HEMK2: variants seen among roughly 807,000 people sequenced by gnomAD.
HEMK2 encodes the protein HemK methyltransferase 2, ETF1 glutamine and histone H4 lysine, also known as methyltransferase HEMK2.
the HEMK2 span, among the ~76,000 whole-genome samples, chr21:28,812,462 C>T: frequency 1.3e-3 from 198 of 152,248 alleles, 1 homozygote; most frequent in African/African-American, 4.5e-3. Context: ...GTATGTTGAA[C>T]CAGCCTTGCA....
chr21:28,795,779 T>C, the HEMK2 span, among the ~76,000 whole-genome samples: 1 of 152,296 alleles, frequency 6.6e-6, no homozygotes, highest in East Asian at 1.9e-4. Flanking sequence ...TTTGAAAACT[T>C]AGAGGCTGAT....
At chr21:28,686,306 C>T in the HEMK2 span, among the ~76,000 whole-genome samples, 1 of 152,148 alleles carries the variant, frequency 6.6e-6, no homozygotes, top group African/African-American at 2.4e-5. Context: ...GCAATCTCAG[C>T]TCACCACAAC....
the HEMK2 span, among the ~76,000 whole-genome samples, chr21:28,735,109 CAA>C: frequency 1.3e-5 from 2 of 152,134 alleles, no homozygotes; most frequent in African/African-American, 4.8e-5. Context: ...GCCAAGGTTC[CAA>C]GAGAGAGAAT....
chr21:28,831,659 GAAAGAAAGAAAGAAAGAAAGAAA>G, the HEMK2 span, among the ~76,000 whole-genome samples: 4 of 42,758 alleles, frequency 9.4e-5, no homozygotes, highest in African/African-American at 3.7e-4. Flanking sequence ...AAGAAAGAAA[GAAAGAAAGAAAGAAAGAAAGAAA>G]GAAGGAAGGA....
chr21:28,727,097 G>C, the HEMK2 span, among the ~76,000 whole-genome samples: 1 of 152,216 alleles, frequency 6.6e-6, no homozygotes, highest in South Asian at 2.1e-4. Context: ...AAGGGCAAGT[G>C]TGGGGAGAAA....
the HEMK2 span, among the ~76,000 whole-genome samples, chr21:28,578,290 TAGAA>T: frequency 6.6e-6 from 1 of 152,198 alleles, no homozygotes; most frequent in Non-Finnish European, 1.5e-5. Context: ...TGCCCTCAGA[TAGAA>T]AGATAATTTT....
the HEMK2 span, among the ~76,000 whole-genome samples, chr21:28,755,745 T>A: frequency 1.5e-4 from 23 of 152,284 alleles, no homozygotes; most frequent in Non-Finnish European, 7.4e-5. Flanking sequence ...TATGAGGCGA[T>A]GAAAATTGTG....
chr21:28,663,218 A>G, the HEMK2 span, among the ~76,000 whole-genome samples: 5 of 152,248 alleles, frequency 3.3e-5, no homozygotes, highest in Non-Finnish European at 7.3e-5. Flanking sequence ...AAGTGCAATG[A>G]TAAGTGTAGT....
At chr21:28,866,148 G>GAAAAAAAA in the HEMK2 span, among the ~76,000 whole-genome samples, 239 of 17,342 alleles carry the variant, frequency 0.014, 54 homozygotes, top group South Asian at 0.025. Flanking sequence ...TGTCTCTACA[G>GAAAAAAAA]AAAAAACAAA....
At chr21:28,663,682 CTTTT>C in the HEMK2 span, among the ~76,000 whole-genome samples, 1 of 152,188 alleles carries the variant, frequency 6.6e-6, no homozygotes, top group Non-Finnish European at 1.5e-5. Flanking sequence ...TTCTCTCTGT[CTTTT>C]TTGTTATTGT....
the HEMK2 span, among the ~76,000 whole-genome samples, chr21:28,831,573 A>AGG: frequency 1.3e-4 from 10 of 74,768 alleles, no homozygotes; most frequent in East Asian, 5.3e-4. Context: ...GAAGGAAAGA[A>AGG]AGAAAGAAGG....
the HEMK2 span, among the ~76,000 whole-genome samples, chr21:28,879,073 ATTGTTTCTTTTTTTTTTTTTTTTT>A: frequency 7.6e-6 from 1 of 131,126 alleles, no homozygotes; most frequent in African/African-American, 2.9e-5. Flanking sequence ...ATCATTGTAG[ATTGTTTCTTTTTTTTTTTTTTTTT>A]TTTTAGAGAC....
the HEMK2 span, among the ~76,000 whole-genome samples, chr21:28,740,222 T>A: frequency 3.9e-5 from 6 of 152,258 alleles, no homozygotes; most frequent in African/African-American, 1.4e-4. Context: ...AACCACAGTT[T>A]CCAAAGCTAT....
chr21:28,805,980 G>A, the HEMK2 span, among the ~76,000 whole-genome samples: 1 of 152,168 alleles, frequency 6.6e-6, no homozygotes, highest in Non-Finnish European at 1.5e-5. Context: ...CAGCAGTTTT[G>A]TGATTTCTTT....
the HEMK2 span, among the ~76,000 whole-genome samples, chr21:28,877,294 AAGG>A: frequency 9.8e-5 from 9 of 91,484 alleles, no homozygotes; most frequent in African/African-American, 4.0e-4. Flanking sequence ...GGAAGGAAGG[AAGG>A]AAGAGAGAGA....
At chr21:28,855,201 G>C in the HEMK2 span, among the ~76,000 whole-genome samples, 1 of 152,078 alleles carries the variant, frequency 6.6e-6, no homozygotes, top group Non-Finnish European at 1.5e-5. Flanking sequence ...AAAAAAGCAG[G>C]GGTTGCTATT....
chr21:28,872,604 G>C, the HEMK2 span: 1 of 152,168 alleles, frequency 6.6e-6, no homozygotes, highest in South Asian at 2.1e-4. Flanking sequence ...CTACAAGAAA[G>C]TGGCTTACAT....
chr21:28,787,959 A>G, the HEMK2 span, among the ~76,000 whole-genome samples: 2 of 152,216 alleles, frequency 1.3e-5, no homozygotes, highest in African/African-American at 4.8e-5. Flanking sequence ...GAACCAACCC[A>G]AATGCCCATC....
the HEMK2 span, among the ~76,000 whole-genome samples, chr21:28,612,728 A>C: frequency 6.6e-6 from 1 of 152,242 alleles, no homozygotes; most frequent in African/African-American, 2.4e-5. Context: ...AGAATTCAGC[A>C]AAGTTTTCAT....
Sources: allele counts gnomAD v4.1 joint callset (sites outside exome capture counted in the v4.1 genomes callset), GRCh38; gene constraint gnomAD v4.1.1; transcripts MANE v1.5; gene names NCBI Gene and HGNC (gene_info 2026-07-23, HGNC 2026-07-21).